The following NAV2 variants were observed in gnomAD, a reference collection of about 807,000 sequenced individuals.
The protein encoded by NAV2 is neuron navigator 2.
In NAV2, 54 loss-of-function variants were observed where a neutral mutation model predicts 223.2. The ratio of observed to expected loss-of-function variants is 0.24; its 90% CI spans 0.19 to 0.30. NAV2 has a LOEUF of 0.30. NAV2 is among the 10% of genes least tolerant of loss of function. The pLI, the probability that NAV2 is intolerant of heterozygous loss-of-function variation, is 1.00. For synonymous variants in NAV2, 1,279 were observed against 1,239.3 expected (o/e 1.03, Z -0.67); for missense variants, 2,806 against 3,147.5 (o/e 0.89, Z 2.60).
intron 1 of NAV2, among the ~76,000 whole-genome samples, chr11:19,786,033 C>G (rs939109019): frequency 2.0e-5 from 3 of 151,938 alleles, no homozygotes; most frequent in African/African-American, 7.3e-5. Context: ...CTTAGATAGC[C>G]AAGTTGGTCA....
At chr11:19,954,035 A>C (rs2047622433) in intron 10 of NAV2, among the ~76,000 whole-genome samples, 1 of 152,168 alleles carries the variant, frequency 6.6e-6, no homozygotes, top group Non-Finnish European at 1.5e-5. Context: ...ATAACTCGCT[A>C]CCACACGCTA....
intron 22 of NAV2, among the ~76,000 whole-genome samples, chr11:20,076,622 A>G (rs1336921694): frequency 6.6e-6 from 1 of 152,228 alleles, no homozygotes; most frequent in Non-Finnish European, 1.5e-5. Flanking sequence ...CATTCAATCA[A>G]CTAATATATC....
In NAV2 at chr11:19,424,643, G is replaced by A. The variant is rs548597704; in HGVS notation, c.75+73616G>A. ...AGCTCACTGCAACCTCCACCTCCTG[G>A]GTTCAAGTGATTCTCCTGCCTCAGC... On this transcript the variant is annotated intron_variant, in intron 1 of 37. Transcript: ENST00000360655. Among the ~76,000 whole-genome samples the A allele has an allele frequency of 8.5e-5, 13 of 152,216 alleles. No individual in the cohort carries two copies. The South Asian group carries it at 2.7e-3, about 32-fold the overall frequency.
chr11:19,475,032 G>A lies in NAV2; in HGVS notation c.75+124005G>A, dbSNP rs7952350. 3.4e-3 allele frequency among the ~76,000 whole-genome samples: 511 copies of A among 152,340 alleles called. 4 individuals are homozygous for A. The highest frequency in any genetic ancestry group is 0.012 in the African/African-American group (497 of 41,576). On this transcript the variant is annotated intron_variant, in intron 1 of 37. Transcript: ENST00000360655. ...ACAACTGTCTCATTCAGGATGCCCA[G>A]CCAGCTGCTTAGACAACTTTCCACT...
At chr11:20,016,564 C>A (rs1260249321) in intron 11 of NAV2, among the ~76,000 whole-genome samples, 1 of 152,170 alleles carries the variant, frequency 6.6e-6, no homozygotes, top group Non-Finnish European at 1.5e-5. Flanking sequence ...GCAGCTCATT[C>A]TGTTTTTGTA....
At chr11:19,349,033 G>C (rs1310435722), upstream of NAV2, among the ~76,000 whole-genome samples, 1 of 152,094 alleles carries the variant, frequency 6.6e-6, no homozygotes, top group Non-Finnish European at 1.5e-5. Context: ...TGAGCAAAAA[G>C]CGAGTATCTA....
At chr11:19,676,838 C>T (rs978620056) in intron 1 of NAV2, among the ~76,000 whole-genome samples, 1 of 152,190 alleles carries the variant, frequency 6.6e-6, no homozygotes, top group Non-Finnish European at 1.5e-5. Flanking sequence ...GCCAGAGCAG[C>T]TGGCCCTCTC....
chr11:19,813,731 G>A (rs2058954048), intron 1 of NAV2, among the ~76,000 whole-genome samples: 1 of 152,214 alleles, frequency 6.6e-6, no homozygotes, highest in Non-Finnish European at 1.5e-5. Flanking sequence ...CACTCCCAGA[G>A]AGGGCATGGG....
At chr11:20,013,520 G>A (rs1432521460) in intron 11 of NAV2, among the ~76,000 whole-genome samples, 1 of 151,586 alleles carries the variant, frequency 6.6e-6, no homozygotes, top group Non-Finnish European at 1.5e-5. Context: ...TGGTTCAGAG[G>A]TTGGGAAAGG....
At chr11:19,706,914 A>G (rs1458379495) in intron 1 of NAV2, among the ~76,000 whole-genome samples, 2 of 152,228 alleles carry the variant, frequency 1.3e-5, no homozygotes, top group Non-Finnish European at 2.9e-5. Flanking sequence ...TCTATAGCCT[A>G]TTGCTGCTGG....
chr11:19,726,537 T>C (rs531844487), intron 1 of NAV2, among the ~76,000 whole-genome samples: 1 of 152,346 alleles, frequency 6.6e-6, no homozygotes, highest in African/African-American at 2.4e-5. Flanking sequence ...TGTTACCTTA[T>C]CAGAGAGGTG....
chr11:19,847,173 C>T (rs1052878467), intron 3 of NAV2, among the ~76,000 whole-genome samples: 3 of 152,162 alleles, frequency 2.0e-5, no homozygotes, highest in Non-Finnish European at 2.9e-5. Flanking sequence ...GGTGCTGGGG[C>T]GGCCCTGCTT....
intron 1 of NAV2, among the ~76,000 whole-genome samples, chr11:19,765,740 G>GAGCAACA (rs139285284): frequency 0.03 from 4,530 of 152,164 alleles, 127 homozygotes; most frequent in African/African-American, 0.073. Flanking sequence ...GCACACTCCT[G>GAGCAACA]TTCCCTCTCC....
intron 1 of NAV2, among the ~76,000 whole-genome samples, chr11:19,543,362 C>T (rs550983879): frequency 3.8e-4 from 58 of 152,246 alleles, no homozygotes; most frequent in African/African-American, 1.4e-3. Context: ...CTTGAACTGC[C>T]GATGATGCAT....
At chr11:19,375,553 AATTAG>A (rs1299619333) in intron 1 of NAV2, among the ~76,000 whole-genome samples, 30 of 152,284 alleles carry the variant, frequency 2.0e-4, no homozygotes, top group South Asian at 1.4e-3. Context: ...CTTCCTATTA[AATTAG>A]ATATTAGAGA....
intron 1 of NAV2, among the ~76,000 whole-genome samples, chr11:19,482,614 C>T (rs981674150): frequency 6.6e-6 from 1 of 152,146 alleles, no homozygotes; most frequent in African/African-American, 2.4e-5. Context: ...ACCAGCACCG[C>T]CCTCCCCAAT....
At chr11:19,957,786 T>C (rs1345284024) in intron 10 of NAV2, among the ~76,000 whole-genome samples, 2 of 152,058 alleles carry the variant, frequency 1.3e-5, no homozygotes, top group Admixed American at 1.3e-4. Flanking sequence ...TAAAAAGAGA[T>C]TTACTGGGGG....
At position 19,382,720 on chromosome 11, in the gene NAV2, C is replaced by G. The variant is rs559900263; in HGVS notation, c.75+31693C>G. On this transcript the variant is annotated intron_variant, in intron 1 of 37. Transcript: ENST00000360655. ...TTCTAAGTGCTTCTATAGGTAGAAC[C>G]CATTTCATCCATATAACCACCTCAT... Among the ~76,000 whole-genome samples the G allele has an allele frequency of 2.6e-5, 4 of 152,142 alleles. No individual in the cohort carries two copies. The East Asian group carries it at 7.7e-4, about 29-fold the overall frequency.
chr11:19,981,352 T>C (rs541084596), intron 10 of NAV2: 1 of 152,304 alleles, frequency 6.6e-6, no homozygotes, highest in Admixed American at 6.5e-5. Flanking sequence ...CTGCAACGTT[T>C]CTCAGCATTC....
Sources: allele counts gnomAD v4.1 joint callset (sites outside exome capture counted in the v4.1 genomes callset), GRCh38; gene constraint gnomAD v4.1.1; transcripts MANE v1.5; gene names NCBI Gene and HGNC (gene_info 2026-07-23, HGNC 2026-07-21).